Variants in TENM2 observed in about 807,000 individuals in gnomAD.
The protein encoded by TENM2 is teneurin transmembrane protein 2.
Under a neutral mutation model 245.2 loss-of-function variants are expected in TENM2, and 52 were observed. The ratio of observed to expected loss-of-function variants is 0.21; its 90% CI spans 0.17 to 0.27. The LOEUF is 0.27. TENM2 is among the 10% of genes least tolerant of loss of function. TENM2 has a pLI of 1.00. For missense variants in TENM2, 3,046 were observed against 3,666.8 expected (o/e 0.83, Z 4.37); for synonymous variants, 1,363 against 1,438.9 (o/e 0.95, Z 1.19).
chr5:168,153,703 G>A (rs998823679), intron 12 of TENM2, among the ~76,000 whole-genome samples: 3 of 152,200 alleles, frequency 2.0e-5, no homozygotes, highest in Non-Finnish European at 2.9e-5. Context: ...TTGAGCAGGC[G>A]TCTGGATCCC....
At chr5:167,682,075 T>C (rs1287160066) in intron 2 of TENM2, among the ~76,000 whole-genome samples, 2 of 61,884 alleles carry the variant, frequency 3.2e-5, no homozygotes, top group Non-Finnish European at 5.2e-5. Flanking sequence ...CCTTCTTTCC[T>C]TCCTTCCTTC....
intron 12 of TENM2, among the ~76,000 whole-genome samples, chr5:168,141,926 C>A (rs780677300): frequency 2.0e-5 from 3 of 152,104 alleles, no homozygotes; most frequent in Admixed American, 2.0e-4. Context: ...TATTTTGGAG[C>A]GATTGGAGCG....
At chr5:167,738,586 A>G (rs757881184) in intron 2 of TENM2, among the ~76,000 whole-genome samples, 1 of 152,350 alleles carries the variant, frequency 6.6e-6, no homozygotes, top group East Asian at 1.9e-4. Flanking sequence ...AAGTGATTAT[A>G]TTATTTTTCT....
chr5:167,589,366 A>G (rs1420392580), intron 2 of TENM2, among the ~76,000 whole-genome samples: 2 of 152,180 alleles, frequency 1.3e-5, no homozygotes, highest in Non-Finnish European at 2.9e-5. Context: ...AACTAGTAGT[A>G]AAGAAATTGG....
intron 2 of TENM2, among the ~76,000 whole-genome samples, chr5:167,435,562 G>T (rs1218186009): frequency 1.3e-5 from 2 of 152,126 alleles, no homozygotes; most frequent in Admixed American, 1.3e-4. Flanking sequence ...GTTTTTATCA[G>T]CAGCATGAAA....
intron 7 of TENM2, among the ~76,000 whole-genome samples, chr5:168,080,832 AG>A (rs1192242399): frequency 6.6e-6 from 1 of 152,118 alleles, no homozygotes; most frequent in Non-Finnish European, 1.5e-5. Flanking sequence ...ACATTTGCTG[AG>A]GAGTGCTTTA....
At chr5:167,799,868 A>T (rs1396469417) in intron 2 of TENM2, among the ~76,000 whole-genome samples, 2 of 152,298 alleles carry the variant, frequency 1.3e-5, no homozygotes, top group Non-Finnish European at 1.5e-5. Context: ...CTCATGGGAG[A>T]TGTTGGCTTT....
Position 168,218,044 on chromosome 5 carries a change from T to C in TENM2, c.4234-81T>C. The C allele has an allele frequency of 6.8e-7, 1 of 1,461,688 alleles. No individual in the cohort carries two copies. The highest frequency in any genetic ancestry group is 9.2e-7 in the Non-Finnish European group (1 of 1,082,028). 90.5% of individuals were successfully genotyped at this position (1,461,688 alleles called of 1,614,324 possible). ...AAAAAGCTGTCTTTTTTCCTAGATA[T>C]ATAAAACCAGTAAGTGCCGTACGGT... is the stretch of plus-strand genomic sequence containing the variant. On this transcript the variant is annotated intron_variant, in intron 22 of 28. Coordinates refer to ENST00000518659, the Ensembl canonical transcript of TENM2. This position sits in a 1 kb window ranked among gnomAD's most constrained non-coding sequence, Gnocchi z 5.2.
chr5:167,016,286 A>C, the TENM2 span, among the ~76,000 whole-genome samples: 5,003 of 148,016 alleles, frequency 0.034, 289 homozygotes, highest in African/African-American at 0.12. Flanking sequence ...ACAAACAAAA[A>C]AAAAAAAAAA....
At chr5:167,136,755 C>A in the TENM2 span, among the ~76,000 whole-genome samples, 1 of 152,084 alleles carries the variant, frequency 6.6e-6, no homozygotes, top group South Asian at 2.1e-4. Flanking sequence ...TTGGCCCACC[C>A]TAATCTCATA....
At chr5:167,564,078 A>T (rs1280593961) in intron 2 of TENM2, among the ~76,000 whole-genome samples, 1 of 152,200 alleles carries the variant, frequency 6.6e-6, no homozygotes. Context: ...GACCCTCTTG[A>T]AGCTTACATT....
chr5:167,146,683 C>A, the TENM2 span, among the ~76,000 whole-genome samples: 2 of 152,152 alleles, frequency 1.3e-5, no homozygotes, highest in Non-Finnish European at 2.9e-5. Context: ...GGACTCGAAT[C>A]CCATTCCGGG....
chr5:167,751,791 CAAG>C (rs1761973962), intron 2 of TENM2, among the ~76,000 whole-genome samples: 1 of 151,922 alleles, frequency 6.6e-6, no homozygotes, highest in Non-Finnish European at 1.5e-5. Flanking sequence ...CTTTGTCAGG[CAAG>C]AAGAAAGCAG....
chr5:167,383,671 C>G (rs2127343367), intron 2 of TENM2, among the ~76,000 whole-genome samples: 1 of 139,206 alleles, frequency 7.2e-6, no homozygotes, highest in Admixed American at 7.5e-5. Flanking sequence ...CTCGTTAAAA[C>G]TAGTGAGATC....
intron 5 of TENM2, among the ~76,000 whole-genome samples, chr5:168,018,378 C>CTT (rs60778530): frequency 0.16 from 23,294 of 143,080 alleles, 2,007 homozygotes; most frequent in East Asian, 0.27. Context: ...GTTGTGAGCT[C>CTT]TTTTTTTTTT....
At chr5:167,361,998 G>A (rs1759745024) in intron 1 of TENM2, among the ~76,000 whole-genome samples, 1 of 152,126 alleles carries the variant, frequency 6.6e-6, no homozygotes, top group Non-Finnish European at 1.5e-5. Flanking sequence ...ACCTTATTGA[G>A]CCAGCTTCTG....
chr5:168,151,856 C>T (rs1179768686), intron 12 of TENM2, among the ~76,000 whole-genome samples: 1 of 152,248 alleles, frequency 6.6e-6, no homozygotes, highest in Non-Finnish European at 1.5e-5. Flanking sequence ...GCCTCTGGGA[C>T]AGCCAATGAA....
intron 2 of TENM2, among the ~76,000 whole-genome samples, chr5:167,498,032 C>A (rs545635662): frequency 6.6e-6 from 1 of 152,134 alleles, no homozygotes; most frequent in Admixed American, 6.6e-5. Flanking sequence ...TTTGTGGGGA[C>A]TGACCAAAGA....
rs140060639 is a variant in TENM2, at chr5:168,255,025, T to C, written c.7433-5258T>C. 9.2e-3 allele frequency among the ~76,000 whole-genome samples: 1,378 copies of C among 149,906 alleles called. 23 individuals carry two copies. Among genetic ancestry groups the C allele is most frequent in the African/African-American group, 0.032 (1,315 of 40,728 alleles). ...TCACACCACTGCACTCCAGCCTGGG[T>C]GACAGAGCAAGACGCTGTCTCAAAA... is the stretch of plus-strand genomic sequence containing the variant. On this transcript the variant is annotated intron_variant, in intron 27 of 28. Coordinates refer to ENST00000518659, the Ensembl canonical transcript of TENM2.
Sources: allele counts gnomAD v4.1 joint callset (sites outside exome capture counted in the v4.1 genomes callset), GRCh38; gene constraint gnomAD v4.1.1; non-coding constraint Gnocchi (gnomAD v3.1); transcripts MANE v1.5; gene names NCBI Gene and HGNC (gene_info 2026-07-23, HGNC 2026-07-21).